The following UBP1 variants were observed in gnomAD, a reference collection of about 807,000 sequenced individuals.
The protein encoded by UBP1 is upstream-binding protein 1.
A neutral mutation model predicts 76.1 loss-of-function variants in UBP1; 22 were observed. The observed-to-expected ratio is 0.29, with a 90% confidence interval of 0.21 to 0.41. The LOEUF is 0.41. Ranked by LOEUF, UBP1 falls within the 10% of genes least tolerant of loss-of-function variation. The pLI is 1.00. For missense variants in UBP1, 436 were observed against 668.1 expected (o/e 0.65, Z 3.83); for synonymous variants, 224 against 237.1 (o/e 0.94, Z 0.51).
intron 1 of UBP1, among the ~76,000 whole-genome samples, chr3:33,427,339 T>C (rs1331907666): frequency 6.6e-6 from 1 of 152,254 alleles, no homozygotes; most frequent in African/African-American, 2.4e-5. Flanking sequence ...CCCCTATTAA[T>C]GTATGGAAGG....
chr3:33,440,897 C>T (rs1253430162), upstream of UBP1: 1 of 152,246 alleles, frequency 6.6e-6, no homozygotes, highest in Non-Finnish European at 1.5e-5. Flanking sequence ...CCCTCTCTAC[C>T]GAGGGAGTGA....
chr3:33,430,439 G>C (rs1035694099), intron 1 of UBP1, among the ~76,000 whole-genome samples: 2 of 152,146 alleles, frequency 1.3e-5, no homozygotes, highest in Non-Finnish European at 2.9e-5. Flanking sequence ...AAAAGACTTA[G>C]GCATCAAATT....
chr3:33,403,558 CTG>C (rs2044319163), intron 8 of UBP1: 1 of 144,360 alleles, frequency 6.9e-6, no homozygotes, highest in Non-Finnish European at 1.5e-5. Flanking sequence ...GTCTGTCTGT[CTG>C]TCTGTCTGTC....
chr3:33,428,804 T>C (rs1211745373), intron 1 of UBP1, among the ~76,000 whole-genome samples: 2 of 132,052 alleles, frequency 1.5e-5, no homozygotes, highest in African/African-American at 2.9e-5. Flanking sequence ...AAATCCTACG[T>C]CTCAAAAAAA....
rs919802702 is a variant in UBP1, at chr3:33,433,154, G to A, written c.113+6582C>T. On this transcript the variant is annotated intron_variant, in intron 1 of 15. Transcript: ENST00000283629. ...CAGCTCACTGCAACCTCCACCTCCC[G>A]GGATCAAACGATTCTCCTGCCTCAG... Among the ~76,000 whole-genome samples, 9 of 150,580 alleles carry A rather than the reference G, an allele frequency of 6.0e-5. No individual in the cohort carries two copies. In the East Asian group the frequency reaches 8.1e-4, roughly 14 times the overall value.
Position 33,390,268 on chromosome 3 carries a change from A to C in UBP1, c.*63T>G. 1 of 1,499,652 alleles carries C rather than the reference A, an allele frequency of 6.7e-7. No individual in the cohort carries two copies. Among genetic ancestry groups the C allele is most frequent in the Admixed American group, 1.8e-5 (1 of 54,536 alleles). 92.9% of individuals were successfully genotyped at this position (1,499,652 alleles called of 1,614,324 possible). The stretch of plus-strand genomic sequence containing the variant: ...TCCAATCCCAAGACTTCTTGGATTC[A>C]GTCTTCACACACTTTTAAGCGTGAC... On this transcript the variant is annotated 3_prime_UTR_variant, in exon 16 of 16. Coordinates refer to ENST00000283629, the MANE Select transcript of UBP1 (RefSeq NM_014517.5).
At chr3:33,407,057 G>A (rs2044446327) in intron 8 of UBP1, among the ~76,000 whole-genome samples, 1 of 152,170 alleles carries the variant, frequency 6.6e-6, no homozygotes, top group South Asian at 2.1e-4. Flanking sequence ...GGAGTTTGAA[G>A]AAACATATGA....
rs2043991614 is a variant in UBP1 at position 33,396,284 on chromosome 3, C to CCG, written c.1272-5_1272-4insCG. The stretch of plus-strand genomic sequence containing the variant: ...GGTTAAACGGGGTCTAACCGACCTG[C>CCG]AATCAGAAGATGCCACTGATGAGCC... On this transcript the variant is annotated splice_polypyrimidine_tract_variant and splice_region_variant and intron_variant, in intron 12 of 15. Transcript: ENST00000283629. 6.4e-7 allele frequency: 1 copy of CCG among 1,570,306 alleles called. No homozygotes were observed. The highest frequency in any genetic ancestry group is 1.3e-5 in the African/African-American group (1 of 74,310).
chr3:33,436,238 A>G (rs2045203028), intron 1 of UBP1, among the ~76,000 whole-genome samples: 1 of 152,246 alleles, frequency 6.6e-6, no homozygotes, highest in South Asian at 2.1e-4. Flanking sequence ...CAAACGTATT[A>G]CCTCAGTTAT....
chr3:33,421,669 A>G (rs1473912471), intron 2 of UBP1, among the ~76,000 whole-genome samples: 2 of 152,240 alleles, frequency 1.3e-5, no homozygotes, highest in African/African-American at 4.8e-5. Flanking sequence ...ACTTGCTCCA[A>G]TTTCTACTGA....
At chr3:33,412,455 C>T (rs2044614017) in intron 4 of UBP1, among the ~76,000 whole-genome samples, 1 of 151,712 alleles carries the variant, frequency 6.6e-6, no homozygotes, top group Non-Finnish European at 1.5e-5. Context: ...TGGTGGCGCG[C>T]ACCTGCAATC....
At chr3:33,425,489 C>A in intron 2 of UBP1, 101 bp downstream of exon 2, 1 of 1,218,974 alleles carries the variant, frequency 8.2e-7, no homozygotes, top group South Asian at 2.6e-5. Flanking sequence ...GAAAAAGAAC[C>A]TAATTTTTAA....
chr3:33,414,795 C>A (rs532947583), intron 3 of UBP1, among the ~76,000 whole-genome samples: 28 of 152,132 alleles, frequency 1.8e-4, no homozygotes, highest in African/African-American at 6.7e-4. Flanking sequence ...GAAGATGAAG[C>A]CAATGTAAAA....
At chr3:33,438,419 C>A (rs181448149) in intron 1 of UBP1, among the ~76,000 whole-genome samples, 57 of 152,302 alleles carry the variant, frequency 3.7e-4, no homozygotes, top group African/African-American at 1.1e-3. Flanking sequence ...TAGAGGAGTG[C>A]GTTTTCACTA....
rs913987650 is a variant in UBP1 at position 33,425,582 on chromosome 3, A to C, written c.265+8T>G. On this transcript the variant is annotated splice_region_variant and intron_variant, in intron 2 of 15. Transcript: ENST00000283629. ...CTTACATGTCAAATGTGACATAACC[A>C]CACTAACCTTGGTTCAAATAAGTAA... 3.3e-6 allele frequency: 5 copies of C among 1,516,848 alleles called. No individual in the cohort carries two copies. The highest frequency in any genetic ancestry group is 3.4e-5 in the Admixed American group (2 of 58,566). 94.0% of individuals were successfully genotyped at this position (1,516,848 alleles called of 1,614,324 possible).
chr3:33,416,687 A>C, intron 3 of UBP1, 71 bp downstream of exon 3: 2 of 1,223,178 alleles, frequency 1.6e-6, no homozygotes, highest in Non-Finnish European at 2.3e-6. Flanking sequence ...AAGTGAAATT[A>C]ATTTTTTTTT....
chr3:33,434,194 T>C (rs1247502566), intron 1 of UBP1, among the ~76,000 whole-genome samples: 2 of 150,340 alleles, frequency 1.3e-5, no homozygotes, highest in East Asian at 2.0e-4. Context: ...TAAAAATCTA[T>C]AGACAAACAA....
chr3:33,417,278 T>C (rs1371018488), intron 2 of UBP1, among the ~76,000 whole-genome samples: 1 of 152,028 alleles, frequency 6.6e-6, no homozygotes, highest in African/African-American at 2.4e-5. Flanking sequence ...ATTAGTCACT[T>C]CCCATCCCTC....
At chr3:33,430,829 C>G (rs2154059685) in intron 1 of UBP1, among the ~76,000 whole-genome samples, 1 of 152,280 alleles carries the variant, frequency 6.6e-6, no homozygotes, top group South Asian at 2.1e-4. Context: ...ACATGGCCTC[C>G]TCCTCCAACC....
Sources: allele counts gnomAD v4.1 joint callset (sites outside exome capture counted in the v4.1 genomes callset), GRCh38; gene constraint gnomAD v4.1.1; transcripts MANE v1.5; gene names NCBI Gene and HGNC (gene_info 2026-07-23, HGNC 2026-07-21).